Variants in YBEY observed in about 807,000 individuals in gnomAD.
The protein encoded by YBEY is ybeY metalloendoribonuclease, also known as endoribonuclease YbeY.
A neutral mutation model predicts 13.5 loss-of-function variants in YBEY; 15 were observed. The observed-to-expected ratio is 1.11, with a 90% CI of 0.75 to 1.72. The LOEUF (loss-of-function observed/expected upper bound fraction) is 1.72. YBEY is among the 40% of genes most tolerant of loss of function. The probability of loss-of-function intolerance (pLI) is 0.00; values close to 1 mark genes in which losing one functional copy is unlikely to be tolerated. For missense variants in YBEY, 244 were observed against 208.4 expected, an observed-to-expected ratio of 1.17 and a Z score of -1.05; for synonymous variants, 101 against 83.1, an observed-to-expected ratio of 1.21 and a Z score of -1.17.
At chr21:46,292,373 C>A (rs922438544) in intron 3 of YBEY, among the ~76,000 whole-genome samples, 2 of 152,202 alleles carry the variant, frequency 1.3e-5, no homozygotes, top group South Asian at 2.1e-4. Flanking sequence ...GAATTCAGGC[C>A]CCTCCCATCA....
Position 46,286,746 on chromosome 21 carries a change from A to T in YBEY, c.-44-124A>T. The T allele has an allele frequency of 6.2e-6, 4 of 641,064 alleles. No individual in the cohort carries two copies. The South Asian group carries it at 8.2e-5, about 13-fold the overall frequency. 39.7% of individuals were successfully genotyped at this position (641,064 alleles called of 1,614,324 possible). On this transcript the variant is annotated intron_variant, in intron 1 of 4. Coordinates refer to ENST00000397701, the MANE Select transcript of YBEY (RefSeq NM_001314025.2). ...GTTGCTTCCTCCTTGTGGTAAATGTAAATTCCCTTAAGATTTTCAATCAGT... is the reference window on the plus strand; with the variant it reads ...GTTGCTTCCTCCTTGTGGTAAATGTTAATTCCCTTAAGATTTTCAATCAGT...
chr21:46,306,036 A>C, the YBEY span, among the ~76,000 whole-genome samples: 2 of 146,918 alleles, frequency 1.4e-5, no homozygotes, highest in Non-Finnish European at 3.0e-5. Flanking sequence ...GGAGTTTTGG[A>C]CCTGCCTTAG....
chr21:46,311,986 CCCATCCACCCATCCACCCACCCAT>C, the YBEY span, among the ~76,000 whole-genome samples: 2 of 89,378 alleles, frequency 2.2e-5, no homozygotes, highest in Non-Finnish European at 4.3e-5. Context: ...CATCCATCCA[CCCATCCACCCATCCACCCACCCAT>C]CCATCCACCC....
Position 46,291,216 on chromosome 21 carries a change from A to AAAAAGG in YBEY, c.211-118_211-117insAAAAGG, listed in dbSNP as rs371481603. ...CCGTCTCAAAAAAAAAAAAAAAAAA[A>AAAAAGG]GTGATTTGGCTCAGAGATAAGTGCT... On this transcript the variant is annotated intron_variant, in intron 2 of 4. Transcript: ENST00000397701. 1.4e-5 allele frequency: 13 copies of AAAAAGG among 916,962 alleles called. 1 individual carries two copies. The highest frequency in any genetic ancestry group is 3.6e-5 in the East Asian group (1 of 27,886). 56.8% of individuals were successfully genotyped at this position (916,962 alleles called of 1,614,324 possible).
rs530467255 is a variant in YBEY at position 46,292,006 on chromosome 21, T to G, written c.339+544T>G. On this transcript the variant is annotated intron_variant, in intron 3 of 4. Transcript: ENST00000397701. Reference sequence around the variant, plus strand: ...AGAGGCTACAGTTTCTACAGGCAATTTGGCAGGCAGGGGCTAGGGAATGCC... The same window carrying G: ...AGAGGCTACAGTTTCTACAGGCAATGTGGCAGGCAGGGGCTAGGGAATGCC... The G allele has an allele frequency of 3.2e-5, 10 of 314,068 alleles. No individual in the cohort carries two copies. In the South Asian group the frequency reaches 1.1e-3, roughly 34 times the overall value. 19.5% of individuals were successfully genotyped at this position (314,068 alleles called of 1,614,324 possible).
downstream of YBEY, among the ~76,000 whole-genome samples, chr21:46,299,750 G>GCCCCCCCCCCCCCCCCCCCCCCCCCC (rs545785598): frequency 9.5e-5 from 14 of 147,172 alleles, no homozygotes; most frequent in African/African-American, 2.3e-4. Flanking sequence ...TGTGCCCTGA[G>GCCCCCCCCCCCCCCCCCCCCCCCCCC]CCCCCCCCAC....
the YBEY span, among the ~76,000 whole-genome samples, chr21:46,307,185 T>C: frequency 9.9e-3 from 1,512 of 152,008 alleles, 23 homozygotes; most frequent in African/African-American, 0.035. Flanking sequence ...TGTGAGCCGC[T>C]GCGCCCAGCC....
chr21:46,305,028 C>A, the YBEY span, among the ~76,000 whole-genome samples: 1 of 151,984 alleles, frequency 6.6e-6, no homozygotes, highest in Non-Finnish European at 1.5e-5. Flanking sequence ...GAACACAGGA[C>A]GGTGGTTGCC....
chr21:46,286,905 C>T lies in YBEY; in HGVS notation c.-9C>T, dbSNP rs1045746877. 9 of 1,613,600 alleles carry T rather than the reference C, an allele frequency of 5.6e-6. No homozygotes were observed. The highest frequency in any genetic ancestry group is 5.1e-6 in the Non-Finnish European group (6 of 1,179,882). On this transcript the variant is annotated 5_prime_UTR_variant, in exon 2 of 5. Coordinates refer to ENST00000397701, the MANE Select transcript of YBEY (RefSeq NM_001314025.2). The stretch of plus-strand genomic sequence containing the variant: ...AAACATTTTTAAAGGGCTGGTTATT[C>T]TTCCTGAAATGAGTTTGGTGATTAG...
At chr21:46,295,440 C>T (rs1029007789) in intron 3 of YBEY, among the ~76,000 whole-genome samples, 8 of 152,066 alleles carry the variant, frequency 5.3e-5, no homozygotes, top group Admixed American at 5.2e-4. Context: ...GCTCCATAAA[C>T]CCCCTTGGTG....
intron 2 of YBEY, among the ~76,000 whole-genome samples, chr21:46,288,382 C>A (rs981261896): frequency 6.6e-6 from 1 of 152,120 alleles, no homozygotes; most frequent in African/African-American, 2.4e-5. Context: ...GACAATAAAC[C>A]AAAAGGCAGA....
downstream of YBEY, chr21:46,300,858 G>T: frequency 1.8e-6 from 2 of 1,129,116 alleles, no homozygotes; most frequent in Non-Finnish European, 2.3e-6. Context: ...CATTAAAAGA[G>T]CAAAGAAACA....
the YBEY span, among the ~76,000 whole-genome samples, chr21:46,305,766 C>T: frequency 4.6e-5 from 7 of 151,782 alleles, no homozygotes; most frequent in African/African-American, 1.7e-4. Flanking sequence ...GGTGAAACCC[C>T]GTCTCTACTA....
chr21:46,291,525 A>G (rs920004160), intron 3 of YBEY, 63 bp downstream of exon 3: 10 of 1,602,080 alleles, frequency 6.2e-6, no homozygotes, highest in Non-Finnish European at 7.7e-6. Flanking sequence ...CAAAGGGGTC[A>G]AGATCACAAC....
At chr21:46,292,556 G>C (rs697806) in intron 3 of YBEY, among the ~76,000 whole-genome samples, 1 of 100,714 alleles carries the variant, frequency 9.9e-6, no homozygotes, top group African/African-American at 3.4e-5. Context: ...GGACAGCCAC[G>C]CAAGTTAAAC....
intron 2 of YBEY, 139 bp downstream of exon 2, chr21:46,287,262 C>T: frequency 1.3e-6 from 1 of 797,832 alleles, no homozygotes; most frequent in Non-Finnish European, 1.9e-6. Flanking sequence ...GTGGTGCGAT[C>T]TCGGCTCACT....
the YBEY span, among the ~76,000 whole-genome samples, chr21:46,306,413 C>A: frequency 1.3e-5 from 2 of 152,000 alleles, no homozygotes; most frequent in East Asian, 1.9e-4. Context: ...GTAGGAGAAT[C>A]GCTTCAACCT....
chr21:46,299,048 T>TTTC (rs1491178052), downstream of YBEY, among the ~76,000 whole-genome samples: 30 of 5,592 alleles, frequency 5.4e-3, 1 homozygote, highest in South Asian at 0.067. Context: ...TCTTTCTTTC[T>TTTC]TTTTTTTTTT....
At chr21:46,291,865 C>G in intron 3 of YBEY, 1 of 1,039,080 alleles carries the variant, frequency 9.6e-7, no homozygotes, top group East Asian at 9.9e-5. Context: ...CTGCCCACTG[C>G]ACAGACAAAA....
Sources: allele counts gnomAD v4.1 joint callset (sites outside exome capture counted in the v4.1 genomes callset), GRCh38; gene constraint gnomAD v4.1.1; transcripts MANE v1.5; gene names NCBI Gene and HGNC (gene_info 2026-07-23, HGNC 2026-07-21).